The following SYT10 variants were observed in gnomAD, a reference collection of about 807,000 sequenced individuals.
SYT10 encodes synaptotagmin-10.
In SYT10, 31 loss-of-function variants were observed where a neutral mutation model predicts 51.1. That is an observed-to-expected ratio of 0.61 (90% CI 0.46 to 0.82). SYT10 has a LOEUF of 0.82. Ranked by LOEUF, SYT10 falls within the 40% of genes least tolerant of loss-of-function variation. SYT10 has a pLI of 0.00. For synonymous variants in SYT10, 233 were observed against 225.9 expected (o/e 1.03, Z -0.28); for missense variants, 603 against 634.0 (o/e 0.95, Z 0.53).
At chr12:33,404,182 G>A (rs1253248799) in intron 3 of SYT10, among the ~76,000 whole-genome samples, 5 of 152,108 alleles carry the variant, frequency 3.3e-5, no homozygotes, top group African/African-American at 1.2e-4. Context: ...GGGGCTTTGT[G>A]GATGTGATTA....
intron 2 of SYT10, 38 bp downstream of exon 2, chr12:33,426,100 G>GCA (rs760307393): frequency 2.6e-5 from 27 of 1,054,322 alleles, no homozygotes; most frequent in African/African-American, 1.2e-4. Context: ...ACACACACAC[G>GCA]CACACACACC....
rs35513108 is a variant in SYT10 at position 33,407,124 on chromosome 12, G to A, written c.742C>T (p.Leu248=). Residue 248 remains leucine, a synonymous_variant, in exon 3 of 7, where the codon CTA becomes TTA. Transcript: ENST00000228567. ...TLQYDYENEL[L]VVKIIKALDL... ...AAAGCTTTGATAATTTTAACAACTA[G>A]AAGTTCATTTTCATAATCATACTGG... The A allele has an allele frequency of 0.019, 31,306 of 1,613,706 alleles. 408 individuals carry two copies. Among genetic ancestry groups the A allele is most frequent in the South Asian group, 0.03 (2,729 of 91,042 alleles).
At chr12:33,430,871 T>A (rs976827388) in intron 1 of SYT10, among the ~76,000 whole-genome samples, 26 of 152,284 alleles carry the variant, frequency 1.7e-4, no homozygotes, top group African/African-American at 6.0e-4. Context: ...AATTTATTTA[T>A]ACTATTCATC....
intron 3 of SYT10, among the ~76,000 whole-genome samples, chr12:33,398,236 G>A (rs1162769725): frequency 6.6e-5 from 10 of 152,024 alleles, no homozygotes; most frequent in African/African-American, 1.7e-4. Flanking sequence ...GTATCAGGCC[G>A]GGCGCGGTGG....
Position 33,376,498 on chromosome 12 carries a change from A to G in SYT10, c.*332T>C. The stretch of plus-strand genomic sequence containing the variant: ...GTGCTACTTTATACAATAGCAGCAT[A>G]AACTATATTTAATTTTAGGTAAGTA... On this transcript the variant is annotated 3_prime_UTR_variant, in exon 7 of 7. Coordinates refer to ENST00000228567, the MANE Select transcript of SYT10 (RefSeq NM_198992.4). The G allele has an allele frequency of 3.7e-6, 1 of 271,830 alleles. No homozygotes were observed. The highest frequency in any genetic ancestry group is 7.1e-6 in the Non-Finnish European group (1 of 140,802). The allele number at this position is 271,830 out of a possible 1,614,324, so 16.8% of individuals were successfully genotyped here. A position where few individuals can be genotyped will look rare whatever the true frequency, so the allele number is the denominator to read the frequency against.
chr12:33,409,104 A>C (rs1866383723), intron 2 of SYT10, among the ~76,000 whole-genome samples: 1 of 152,096 alleles, frequency 6.6e-6, no homozygotes, highest in South Asian at 2.1e-4. Flanking sequence ...CTCATTTCAA[A>C]ATACTTTATT....
At chr12:33,421,041 A>G (rs1036364822) in intron 2 of SYT10, among the ~76,000 whole-genome samples, 38 of 152,212 alleles carry the variant, frequency 2.5e-4, no homozygotes, top group African/African-American at 7.9e-4. Context: ...GATAATTTCA[A>G]TTTTTGCTAT....
chr12:33,433,951 T>C (rs1198727211), intron 1 of SYT10, among the ~76,000 whole-genome samples: 1 of 152,194 alleles, frequency 6.6e-6, no homozygotes. Flanking sequence ...TAGTGATGAT[T>C]TGAAGGGAGG....
intron 2 of SYT10, among the ~76,000 whole-genome samples, chr12:33,411,256 TTA>T (rs1168450539): frequency 4.6e-5 from 7 of 152,110 alleles, no homozygotes; most frequent in Non-Finnish European, 8.8e-5. Context: ...TTATATGCTT[TTA>T]TATGTTTTCC....
rs751009713 is a variant in SYT10, at chr12:33,382,443, G to C, written c.1276C>G (p.Leu426Val). 2 of 1,613,408 alleles carry C rather than the reference G, an allele frequency of 1.2e-6. No individual in the cohort carries two copies. Among genetic ancestry groups the C allele is most frequent in the East Asian group, 2.2e-5 (1 of 44,836 alleles). ...ATGGCCTCATTGTACACAGGGTTTAGAGTGTTTTTCTTTGTAGTTGTTTTC... is the reference window on the plus strand; with the variant it reads ...ATGGCCTCATTGTACACAGGGTTTACAGTGTTTTTCTTTGTAGTTGTTTTC... ...KRKTTTKKNT[L>V]NPVYNEAIIF... Residue 426 changes from leucine (L) to valine (V), a missense_variant, in exon 5 of 7, where the codon CTA (leucine) becomes GTA (valine). Physicochemically the swap from Leu to Val is conservative, Grantham distance 32. Coordinates refer to ENST00000228567, the MANE Select transcript of SYT10 (RefSeq NM_198992.4).
At chr12:33,432,931 C>T (rs867229314) in intron 1 of SYT10, 11 of 151,998 alleles carry the variant, frequency 7.2e-5, no homozygotes, top group South Asian at 2.1e-4. Flanking sequence ...AAGAAACAAA[C>T]GTGTAAAGAG....
chr12:33,406,576 A>T (rs538524814), intron 3 of SYT10, among the ~76,000 whole-genome samples: 1 of 152,262 alleles, frequency 6.6e-6, no homozygotes, highest in South Asian at 2.1e-4. Flanking sequence ...TATAAGAGCT[A>T]CGTTTTTTTA....
At chr12:33,422,054 A>G (rs1207580654) in intron 2 of SYT10, among the ~76,000 whole-genome samples, 1 of 151,968 alleles carries the variant, frequency 6.6e-6, no homozygotes, top group Non-Finnish European at 1.5e-5. Context: ...TTGAGTTCCT[A>G]CAGTGCTTTG....
chr12:33,425,886 G>T (rs1405309692), intron 2 of SYT10, among the ~76,000 whole-genome samples: 1 of 151,976 alleles, frequency 6.6e-6, no homozygotes, highest in Non-Finnish European at 1.5e-5. Context: ...ATTCTGCTAA[G>T]CCCCTTTCAT....
intron 2 of SYT10, among the ~76,000 whole-genome samples, chr12:33,408,727 T>C (rs746473691): frequency 1.7e-4 from 26 of 152,350 alleles, no homozygotes; most frequent in South Asian, 4.1e-4. Flanking sequence ...TCTAAACAGA[T>C]GTCTTCATTT....
At chr12:33,393,699 A>G (rs540080747) in intron 3 of SYT10, among the ~76,000 whole-genome samples, 1 of 152,240 alleles carries the variant, frequency 6.6e-6, no homozygotes, top group Non-Finnish European at 1.5e-5. Context: ...AGCTCTTTCC[A>G]TGGCCTGAAG....
intron 1 of SYT10, among the ~76,000 whole-genome samples, chr12:33,436,191 C>T (rs990165029): frequency 1.3e-5 from 2 of 152,014 alleles, no homozygotes; most frequent in African/African-American, 4.8e-5. Context: ...TAAGCTAAAT[C>T]CAGTTTAAAA....
At chr12:33,387,366 C>T (rs1309160907) in intron 3 of SYT10, among the ~76,000 whole-genome samples, 2 of 152,202 alleles carry the variant, frequency 1.3e-5, no homozygotes, top group Non-Finnish European at 2.9e-5. Flanking sequence ...ATAACGCTCA[C>T]TTCACAAGGG....
In SYT10 at chr12:33,376,731, G is replaced by T; in HGVS notation, c.*99C>A. 7.4e-7 allele frequency: 1 copy of T among 1,347,566 alleles called. No individual in the cohort carries two copies. Among genetic ancestry groups the T allele is most frequent in the Non-Finnish European group, 1.0e-6 (1 of 953,124 alleles). The allele number at this position is 1,347,566 out of a possible 1,614,324, so 83.5% of individuals were successfully genotyped here. A position where few individuals can be genotyped will look rare whatever the true frequency, so the allele number is the denominator to read the frequency against. On this transcript the variant is annotated 3_prime_UTR_variant, in exon 7 of 7. Transcript: ENST00000228567. ...CACATCAAGTTTGTTCATTAGTACG[G>T]ATATATTTCAAATGAGGAAACCAAA...
Sources: allele counts gnomAD v4.1 joint callset (sites outside exome capture counted in the v4.1 genomes callset), GRCh38; gene constraint gnomAD v4.1.1; transcripts MANE v1.5; gene names NCBI Gene and HGNC (gene_info 2026-07-23, HGNC 2026-07-21).